FBXO10: variants seen among roughly 807,000 people sequenced by gnomAD.
FBXO10 encodes the protein F-box protein 10, also known as F-box only protein 10.
FBXO10 carries 39 observed loss-of-function variants against 80.7 expected under a neutral mutation model. That is an observed-to-expected ratio of 0.48 (90% CI 0.37 to 0.63). FBXO10 has a LOEUF of 0.63. Ranked by LOEUF, FBXO10 falls within the 30% of genes least tolerant of loss-of-function variation. FBXO10 has a pLI of 0.00. For synonymous variants in FBXO10, 449 were observed against 489.6 expected (o/e 0.92, Z 1.09); for missense variants, 1,025 against 1,269.0 (o/e 0.81, Z 2.92).
chr9:37,548,668 A>C (rs544623113), intron 1 of FBXO10, among the ~76,000 whole-genome samples: 2 of 151,900 alleles, frequency 1.3e-5, no homozygotes, highest in East Asian at 3.9e-4. Context: ...CTGCCTCCTT[A>C]AGCAATCTCT....
intron 10 of FBXO10, chr9:37,515,657 G>A: frequency 2.5e-6 from 1 of 407,456 alleles, no homozygotes; most frequent in Non-Finnish European, 4.4e-6. Flanking sequence ...AGGTCACACA[G>A]CCAGTAACCT....
chr9:37,546,713 C>CTT (rs756793633), intron 1 of FBXO10, among the ~76,000 whole-genome samples: 2 of 142,170 alleles, frequency 1.4e-5, no homozygotes, highest in African/African-American at 2.6e-5. Flanking sequence ...CTAGAGATGT[C>CTT]TTTTTTTTTT....
At chr9:37,520,438 G>A (rs538858539) in intron 8 of FBXO10, among the ~76,000 whole-genome samples, 139 of 148,566 alleles carry the variant, frequency 9.4e-4, no homozygotes, top group Non-Finnish European at 1.1e-3. Context: ...GGGCTCAAGC[G>A]ATCCCCCCGC....
chr9:37,550,748 C>A (rs767118655), intron 1 of FBXO10, among the ~76,000 whole-genome samples: 27 of 152,072 alleles, frequency 1.8e-4, no homozygotes, highest in Non-Finnish European at 3.5e-4. Flanking sequence ...CAAAGTGCTG[C>A]GATTATAGGC....
intron 5 of FBXO10, among the ~76,000 whole-genome samples, chr9:37,528,461 A>G (rs1821529400): frequency 6.6e-6 from 1 of 152,022 alleles, no homozygotes; most frequent in African/African-American, 2.4e-5. Context: ...ATGCTGTTCC[A>G]TTACTAGGAA....
intron 3 of FBXO10, among the ~76,000 whole-genome samples, chr9:37,535,654 G>A (rs562980715): frequency 2.6e-5 from 4 of 152,140 alleles, no homozygotes; most frequent in South Asian, 2.1e-4. Context: ...CACAGCACCC[G>A]GCTGACACTT....
chr9:37,561,893 A>G (rs1336362475), intron 1 of FBXO10, among the ~76,000 whole-genome samples: 3 of 152,246 alleles, frequency 2.0e-5, no homozygotes, highest in African/African-American at 7.2e-5. Context: ...AGAGACCTGA[A>G]TGACATTTAA....
chr9:37,520,313 C>CTT lies in FBXO10; in HGVS notation c.2200+1254_2200+1255dup, dbSNP rs11309075. Among the ~76,000 whole-genome samples, 105 of 110,936 alleles carry CTT rather than the reference C, an allele frequency of 9.5e-4. 2 individuals are homozygous for CTT. Among genetic ancestry groups the CTT allele is most frequent in the African/African-American group, 1.4e-3 (39 of 28,094 alleles). 72.8% of individuals were successfully genotyped at this position (110,936 alleles called of 152,430 possible). A position where few individuals can be genotyped will look rare whatever the true frequency, so the allele number is the denominator to read the frequency against. On this transcript the variant is annotated intron_variant, in intron 8 of 10. Transcript: ENST00000432825. ...AGAAATATCAAACATCTTCTACCATCTTTTTTTTTTTTTTTTTTTTCCTTT... is the reference window on the plus strand; with the variant it reads ...AGAAATATCAAACATCTTCTACCATCTTTTTTTTTTTTTTTTTTTTTTCCTTT...
intron 1 of FBXO10, among the ~76,000 whole-genome samples, chr9:37,559,103 C>CT (rs1822411347): frequency 6.6e-6 from 1 of 152,174 alleles, no homozygotes; most frequent in Non-Finnish European, 1.5e-5. Context: ...GCCACCGCGC[C>CT]TGGCCGAAAA....
intron 1 of FBXO10, among the ~76,000 whole-genome samples, chr9:37,548,818 G>A (rs531626239): frequency 5.9e-5 from 9 of 151,958 alleles, no homozygotes; most frequent in African/African-American, 1.4e-4. Flanking sequence ...GCGCCATCTC[G>A]GCTCACTGCA....
At chr9:37,567,783 G>A (rs1205509220) in intron 1 of FBXO10, among the ~76,000 whole-genome samples, 3 of 152,096 alleles carry the variant, frequency 2.0e-5, no homozygotes, top group African/African-American at 7.2e-5. Context: ...GTCCGCCTCG[G>A]CCTCCCAAAG....
At chr9:37,559,687 T>C (rs1822428239) in intron 1 of FBXO10, among the ~76,000 whole-genome samples, 1 of 152,224 alleles carries the variant, frequency 6.6e-6, no homozygotes, top group African/African-American at 2.4e-5. Context: ...GTAGAAGAGA[T>C]GTGCGTTACT....
intron 1 of FBXO10, 31 bp from the exon 2 acceptor site, chr9:37,541,805 T>C: frequency 1.3e-6 from 2 of 1,517,470 alleles, no homozygotes; most frequent in Non-Finnish European, 1.8e-6. Flanking sequence ...AAAAGAGATT[T>C]CTGTCTATCC....
chr9:37,548,172 G>A (rs1563882485), intron 1 of FBXO10, among the ~76,000 whole-genome samples: 4 of 152,060 alleles, frequency 2.6e-5, no homozygotes, highest in African/African-American at 9.7e-5. Context: ...ATCACCTGAG[G>A]TCATGAGTTT....
intron 1 of FBXO10, among the ~76,000 whole-genome samples, chr9:37,564,415 G>A (rs1470725497): frequency 6.6e-6 from 1 of 152,096 alleles, no homozygotes; most frequent in East Asian, 1.9e-4. Flanking sequence ...TGAGAAGAAG[G>A]TCACCATCCT....
rs573994846 is a variant in FBXO10, at chr9:37,554,822, T to TA, written c.-6-13049dup. Among the ~76,000 whole-genome samples the TA allele has an allele frequency of 2.6e-5, 4 of 152,142 alleles. No homozygotes were observed. In the East Asian group the frequency reaches 7.7e-4, roughly 29 times the overall value. ...TATTAAGTGTTAATATATCACAGTT[T>TA]AAAAAAAATTAATTCTCCTCGATGG... On this transcript the variant is annotated intron_variant, in intron 1 of 10. Coordinates refer to ENST00000432825, the MANE Select transcript of FBXO10 (RefSeq NM_012166.3).
At chr9:37,516,902 A>G (rs2119048198) in intron 9 of FBXO10, among the ~76,000 whole-genome samples, 2 of 149,818 alleles carry the variant, frequency 1.3e-5, no homozygotes, top group South Asian at 4.2e-4. Flanking sequence ...CGGAGGTTGC[A>G]GTGAGCTGAG....
chr9:37,522,294 G>T, intron 7 of FBXO10: 2 of 943,758 alleles, frequency 2.1e-6, no homozygotes, highest in Middle Eastern at 1.1e-3. Context: ...CCTTCAGAAG[G>T]CAGTCATGAG....
intron 5 of FBXO10, among the ~76,000 whole-genome samples, 187 bp from the exon 6 acceptor site, chr9:37,525,359 C>T (rs1047843555): frequency 1.8e-4 from 28 of 151,994 alleles, no homozygotes; most frequent in African/African-American, 6.5e-4. Flanking sequence ...CTTGAGCCTC[C>T]CTATGGCTCA....
Sources: allele counts gnomAD v4.1 joint callset (sites outside exome capture counted in the v4.1 genomes callset), GRCh38; gene constraint gnomAD v4.1.1; transcripts MANE v1.5; gene names NCBI Gene and HGNC (gene_info 2026-07-23, HGNC 2026-07-21).